Variants in POU2F1 observed in about 807,000 individuals in gnomAD.
POU2F1 encodes POU domain, class 2, transcription factor 1.
Under a neutral mutation model 84.9 loss-of-function variants are expected in POU2F1, and 16 were observed. The ratio of observed to expected loss-of-function variants is 0.19; its 90% CI spans 0.13 to 0.29. The LOEUF is 0.29. Ranked by LOEUF, POU2F1 falls within the 10% of genes least tolerant of loss-of-function variation. The pLI is 1.00. For missense variants in POU2F1, 738 were observed against 942.6 expected, an observed-to-expected ratio of 0.78 and a Z score of 2.84; for synonymous variants, 368 against 368.3, an observed-to-expected ratio of 1.00 and a Z score of 0.01.
At chr1:167,368,524 C>T (rs1659825579) in intron 3 of POU2F1, among the ~76,000 whole-genome samples, 1 of 152,096 alleles carries the variant, frequency 6.6e-6, no homozygotes, top group Admixed American at 6.5e-5. Flanking sequence ...CCTCAACAGA[C>T]TTTTACCCTG....
chr1:167,226,465 T>G (rs1457219562), intron 1 of POU2F1, among the ~76,000 whole-genome samples: 1 of 152,254 alleles, frequency 6.6e-6, no homozygotes, highest in Non-Finnish European at 1.5e-5. Flanking sequence ...ACTGTAGATT[T>G]TAATTCTTCT....
rs533201669 is a variant in POU2F1, at chr1:167,374,785, G to T, written c.591+489G>T. 1.6e-3 allele frequency among the ~76,000 whole-genome samples: 237 copies of T among 152,190 alleles called. 1 individual carries two copies. Among genetic ancestry groups the T allele is most frequent in the African/African-American group, 5.4e-3 (224 of 41,532 alleles). On this transcript the variant is annotated intron_variant, in intron 6 of 15. Transcript: ENST00000367866. Reference sequence around the variant, plus strand: ...GAGATAATAAAAATTTATTTAAGAAGCGCCAGGCGCGGTGGCTCACGCCTG... The same window carrying T: ...GAGATAATAAAAATTTATTTAAGAATCGCCAGGCGCGGTGGCTCACGCCTG...
chr1:167,375,091 T>A (rs1415364101), intron 6 of POU2F1, among the ~76,000 whole-genome samples: 4 of 152,068 alleles, frequency 2.6e-5, no homozygotes, highest in African/African-American at 9.7e-5. Context: ...AATAAAATCT[T>A]TAATCTCAAG....
In POU2F1 at chr1:167,365,629, C is replaced by T. The variant is rs1049802412; in HGVS notation, c.228+62C>T. 3 of 1,209,950 alleles carry T rather than the reference C, an allele frequency of 2.5e-6. No individual in the cohort carries two copies. The Admixed American group carries it at 8.0e-5, about 32-fold the overall frequency. The allele number at this position is 1,209,950 out of a possible 1,614,324, so 75.0% of individuals were successfully genotyped here. On this transcript the variant is annotated intron_variant, in intron 3 of 15. Coordinates refer to ENST00000367866, the MANE Select transcript of POU2F1 (RefSeq NM_002697.4). ...AGATAGAGGCGTAAAGTACTGGGGC[C>T]TGAGGAAGTTATTTCAGAATGTGGG...
chr1:167,312,696 C>T (rs988647787), intron 1 of POU2F1, among the ~76,000 whole-genome samples: 1 of 152,142 alleles, frequency 6.6e-6, no homozygotes, highest in Non-Finnish European at 1.5e-5. Context: ...TGTCTTAGGC[C>T]TTCATTCACA....
intron 2 of POU2F1, among the ~76,000 whole-genome samples, chr1:167,338,618 T>A (rs1039741523): frequency 2.0e-5 from 3 of 152,232 alleles, no homozygotes; most frequent in Admixed American, 2.0e-4. Flanking sequence ...GTAATATTTT[T>A]TATAACATAG....
At chr1:167,260,044 A>G (rs926396026) in intron 1 of POU2F1, among the ~76,000 whole-genome samples, 2 of 151,976 alleles carry the variant, frequency 1.3e-5, no homozygotes, top group East Asian at 1.9e-4. Flanking sequence ...ACGCCCGGCA[A>G]ATTTTTTGTA....
intron 1 of POU2F1, among the ~76,000 whole-genome samples, chr1:167,269,913 CAAA>C (rs34112150): frequency 3.1e-5 from 4 of 129,922 alleles, no homozygotes; most frequent in Non-Finnish European, 6.4e-5. Context: ...GTCTCTGTCT[CAAA>C]AAAAAAAAAA....
chr1:167,258,774 A>T (rs1445670212), intron 1 of POU2F1, among the ~76,000 whole-genome samples: 1 of 152,230 alleles, frequency 6.6e-6, no homozygotes, highest in African/African-American at 2.4e-5. Flanking sequence ...AAACGAATAG[A>T]ATAGTAATTG....
intron 1 of POU2F1, among the ~76,000 whole-genome samples, chr1:167,233,257 C>T (rs1467356843): frequency 2.0e-5 from 3 of 151,658 alleles, no homozygotes; most frequent in Non-Finnish European, 4.4e-5. Context: ...CTACCTCAGC[C>T]TCCTGAGGAG....
At chr1:167,413,152 C>A in intron 15 of POU2F1, 38 bp downstream of exon 15, 2 of 1,464,286 alleles carry the variant, frequency 1.4e-6, no homozygotes, top group Non-Finnish European at 1.9e-6. Flanking sequence ...GTGGCATGCA[C>A]GTGTGTGTGA....
At chr1:167,265,984 T>TTG (rs1332211897) in intron 1 of POU2F1, among the ~76,000 whole-genome samples, 1 of 152,264 alleles carries the variant, frequency 6.6e-6, no homozygotes, top group African/African-American at 2.4e-5. Context: ...CTACAACTTG[T>TTG]TGTGTATACA....
intron 1 of POU2F1, among the ~76,000 whole-genome samples, chr1:167,280,018 C>T (rs567601392): frequency 1.3e-5 from 2 of 152,018 alleles, no homozygotes; most frequent in East Asian, 3.9e-4. Flanking sequence ...CCAGCCTGAC[C>T]AACATGGTGA....
intron 1 of POU2F1, among the ~76,000 whole-genome samples, chr1:167,307,275 T>A (rs1207654131): frequency 6.6e-6 from 1 of 152,186 alleles, no homozygotes; most frequent in African/African-American, 2.4e-5. Context: ...TGTAGACTTG[T>A]AAAATGTGGA....
chr1:167,381,721 T>C (rs968846611), intron 7 of POU2F1, among the ~76,000 whole-genome samples: 3 of 150,094 alleles, frequency 2.0e-5, no homozygotes, highest in Non-Finnish European at 4.4e-5. Flanking sequence ...AGCAATTCTC[T>C]TGCCTCGCCT....
intron 1 of POU2F1, among the ~76,000 whole-genome samples, chr1:167,322,978 G>A (rs576041908): frequency 2.4e-4 from 37 of 152,254 alleles, no homozygotes; most frequent in Non-Finnish European, 5.0e-4. Context: ...TTCAGCATGG[G>A]CGTCGTAGCC....
chr1:167,364,007 TTGAG>T (rs1275987675), intron 2 of POU2F1, among the ~76,000 whole-genome samples: 4 of 152,174 alleles, frequency 2.6e-5, no homozygotes, highest in Non-Finnish European at 4.4e-5. Context: ...AATGGGATGT[TTGAG>T]TGGTAGGAAA....
intron 1 of POU2F1, among the ~76,000 whole-genome samples, chr1:167,230,435 T>C (rs1648985504): frequency 6.6e-6 from 1 of 152,196 alleles, no homozygotes; most frequent in Non-Finnish European, 1.5e-5. Flanking sequence ...TGGTGTTCTT[T>C]TTTAAAGGCA....
intron 13 of POU2F1, among the ~76,000 whole-genome samples, chr1:167,404,741 A>T (rs1649449576): frequency 6.6e-6 from 1 of 152,106 alleles, no homozygotes; most frequent in East Asian, 1.9e-4. Context: ...ACTCTCTGTG[A>T]GGCTCCATCA....
Sources: gnomAD v4.1 joint callset for allele counts (sites outside exome capture counted in the v4.1 genomes callset) on GRCh38, gnomAD v4.1.1 for gene constraint, MANE v1.5 for transcripts, NCBI Gene and HGNC (gene_info 2026-07-23, HGNC 2026-07-21) for gene names.